KDM4C: variants seen among roughly 807,000 people sequenced by gnomAD.
KDM4C encodes lysine demethylase 4C, also known as lysine-specific demethylase 4C.
Under a neutral mutation model 129.3 loss-of-function variants are expected in KDM4C, and 81 were observed. The observed-to-expected ratio is 0.63, with a 90% CI of 0.52 to 0.75. KDM4C has a LOEUF of 0.75. KDM4C is among the 30% of genes least tolerant of loss of function. The pLI is 0.00. For missense variants in KDM4C, 1,457 were observed against 1,304.0 expected, an observed-to-expected ratio of 1.12 and a Z score of -1.81; for synonymous variants, 573 against 456.1, an observed-to-expected ratio of 1.26 and a Z score of -3.26.
intron 12 of KDM4C, among the ~76,000 whole-genome samples, chr9:7,001,639 T>G (rs979769832): frequency 3.9e-5 from 6 of 152,226 alleles, no homozygotes; most frequent in African/African-American, 1.2e-4. Flanking sequence ...GCAGCTGTTT[T>G]GTGTGATCTG....
At chr9:7,064,949 C>G (rs1172533788) in intron 17 of KDM4C, among the ~76,000 whole-genome samples, 1 of 152,140 alleles carries the variant, frequency 6.6e-6, no homozygotes, top group Non-Finnish European at 1.5e-5. Flanking sequence ...CTTGAAGTCT[C>G]TTGTATATTC....
At chr9:7,169,999 A>G in intron 21 of KDM4C, 109 bp downstream of exon 21, 1 of 1,563,106 alleles carries the variant, frequency 6.4e-7, no homozygotes, top group Non-Finnish European at 8.7e-7. Flanking sequence ...GATTAATTCT[A>G]AAAAAAGCCA....
intron 8 of KDM4C, among the ~76,000 whole-genome samples, chr9:6,962,886 C>T (rs1223414749): frequency 2.6e-5 from 4 of 152,084 alleles, no homozygotes; most frequent in Non-Finnish European, 5.9e-5. Context: ...ATTCATTATG[C>T]ATGTGAGAAT....
intron 18 of KDM4C, among the ~76,000 whole-genome samples, chr9:7,112,285 C>T (rs1254072400): frequency 6.6e-6 from 1 of 152,018 alleles, no homozygotes; most frequent in Admixed American, 6.6e-5. Context: ...AGTGGATGGT[C>T]CCATGCGAGG....
At chr9:7,122,265 A>ACACACACACACTCTCTCTCTCTCTCTCT (rs375655422) in intron 18 of KDM4C, among the ~76,000 whole-genome samples, 1 of 144,714 alleles carries the variant, frequency 6.9e-6, no homozygotes, top group African/African-American at 2.6e-5. Context: ...ACACACACAC[A>ACACACACACACTCTCTCTCTCTCTCTCT]CTCTCTCTCT....
At chr9:6,869,429 A>G (rs1374958506) in intron 5 of KDM4C, among the ~76,000 whole-genome samples, 1 of 152,214 alleles carries the variant, frequency 6.6e-6, no homozygotes, top group Non-Finnish European at 1.5e-5. Context: ...CTCTTTACAA[A>G]CATGTTTATT....
chr9:6,952,883 C>G (rs1293022017), intron 8 of KDM4C, among the ~76,000 whole-genome samples: 2 of 152,180 alleles, frequency 1.3e-5, no homozygotes, highest in East Asian at 3.8e-4. Flanking sequence ...GTCCTTGTTA[C>G]TCAACATTTG....
At chr9:7,089,532 A>G (rs1305822995) in intron 17 of KDM4C, among the ~76,000 whole-genome samples, 1 of 152,126 alleles carries the variant, frequency 6.6e-6, no homozygotes, top group East Asian at 1.9e-4. Context: ...GGAAGTCATA[A>G]CTTCACTTCA....
At chr9:7,104,966 G>A (rs1281606856) in intron 18 of KDM4C, among the ~76,000 whole-genome samples, 1 of 152,144 alleles carries the variant, frequency 6.6e-6, no homozygotes, top group Non-Finnish European at 1.5e-5. Flanking sequence ...ATGCTTAAAT[G>A]TACAAAATGA....
intron 18 of KDM4C, among the ~76,000 whole-genome samples, chr9:7,115,747 A>G (rs373999771): frequency 2.4e-4 from 36 of 152,356 alleles, no homozygotes; most frequent in East Asian, 1.2e-3. Context: ...ATGATACACA[A>G]AAGTCTGGAT....
At chr9:6,859,311 G>T (rs905541475) in intron 5 of KDM4C, among the ~76,000 whole-genome samples, 3 of 151,210 alleles carry the variant, frequency 2.0e-5, no homozygotes, top group Non-Finnish European at 2.9e-5. Flanking sequence ...CCCTGTCTCT[G>T]CTAAAACACA....
intron 4 of KDM4C, among the ~76,000 whole-genome samples, chr9:6,825,146 CAAAAA>C (rs776343731): frequency 1.3e-5 from 1 of 79,950 alleles, no homozygotes; most frequent in Non-Finnish European, 2.6e-5. Context: ...AACTCGGTCT[CAAAAA>C]AAAAAAAAAA....
intron 15 of KDM4C, among the ~76,000 whole-genome samples, chr9:7,024,558 C>A (rs2381535): frequency 6.7e-6 from 1 of 150,262 alleles, no homozygotes; most frequent in Non-Finnish European, 1.5e-5. Flanking sequence ...TGTTCAATTC[C>A]CACCTGTGAG....
intron 19 of KDM4C, among the ~76,000 whole-genome samples, chr9:7,146,673 A>T (rs1328364910): frequency 6.6e-6 from 1 of 152,206 alleles, no homozygotes; most frequent in Admixed American, 6.5e-5. Context: ...GTTCCCTAAA[A>T]CACGAGATGC....
rs775385192 is a variant in KDM4C, at chr9:7,011,861, G to T, written c.1950G>T (p.Leu650=). 4 of 1,613,576 alleles carry T rather than the reference G, an allele frequency of 2.5e-6. No individual in the cohort carries two copies. The highest frequency in any genetic ancestry group is 1.7e-5 in the Admixed American group (1 of 60,014). The part of the protein sequence containing the change: ...RMKPHCAICT[L]LMPYHKPDSS... ...AGCCACACTGTGCCATCTGCACTCT[G>T]CTCATGCCGTACCACAAGGTAAAGG... Residue 650 remains leucine, a synonymous_variant, in exon 13 of 22, where the codon CTG becomes CTT. Transcript: ENST00000381309.
intron 10 of KDM4C, among the ~76,000 whole-genome samples, chr9:6,985,746 C>T (rs938871080): frequency 3.3e-5 from 5 of 151,954 alleles, no homozygotes; most frequent in Non-Finnish European, 5.9e-5. Flanking sequence ...GCTGGAGTGC[C>T]GTGGCACAAT....
chr9:6,795,750 C>T (rs1827617715), intron 2 of KDM4C, among the ~76,000 whole-genome samples: 1 of 151,642 alleles, frequency 6.6e-6, no homozygotes, highest in Non-Finnish European at 1.5e-5. Flanking sequence ...TGGCTCACTG[C>T]AGTCTGGACC....
In KDM4C at chr9:7,013,780, T is replaced by G; in HGVS notation, c.1969-8T>G. ...TTTTCACTCATGTGGAAACGTTATG[T>G]TTTTCAGCCAGATAGCAGCAATGAA... On this transcript the variant is annotated splice_polypyrimidine_tract_variant and splice_region_variant and intron_variant, in intron 13 of 21. Coordinates refer to ENST00000381309, the MANE Select transcript of KDM4C (RefSeq NM_015061.6). 6.2e-7 allele frequency: 1 copy of G among 1,613,150 alleles called. No individual in the cohort carries two copies. Among genetic ancestry groups the G allele is most frequent in the Non-Finnish European group, 8.5e-7 (1 of 1,179,546 alleles).
chr9:6,985,727 G>T (rs960888131), intron 10 of KDM4C, among the ~76,000 whole-genome samples: 1 of 152,044 alleles, frequency 6.6e-6, no homozygotes, highest in Non-Finnish European at 1.5e-5. Context: ...GTCTCTCTCT[G>T]TCGCCCAGGC....
Sources: gnomAD v4.1 joint callset for allele counts (sites outside exome capture counted in the v4.1 genomes callset) on GRCh38, gnomAD v4.1.1 for gene constraint, MANE v1.5 for transcripts, NCBI Gene and HGNC (gene_info 2026-07-23, HGNC 2026-07-21) for gene names.